TSEN2: variants seen among roughly 807,000 people sequenced by gnomAD.
TSEN2 encodes the protein tRNA splicing endonuclease subunit 2.
In TSEN2, 54 loss-of-function variants were observed where a neutral mutation model predicts 59.2. The observed-to-expected ratio is 0.91, with a 90% confidence interval of 0.73 to 1.14. TSEN2 has a LOEUF of 1.14. Among genes scored for constraint, TSEN2 ranks in the 50% most tolerant of loss-of-function variants. The probability of loss-of-function intolerance (pLI) is 0.00; values close to 1 mark genes in which losing one functional copy is unlikely to be tolerated. For missense variants in TSEN2, 636 were observed against 576.2 expected (o/e 1.10, Z -1.06); for synonymous variants, 195 against 198.2 (o/e 0.98, Z 0.14).
intron 6 of TSEN2, chr3:12,514,608 A>G (rs1285161772): frequency 6.6e-6 from 1 of 152,206 alleles, no homozygotes; most frequent in East Asian, 1.9e-4. Context: ...TTTGGGTAAA[A>G]CTAAAGTAGT....
intron 6 of TSEN2, chr3:12,506,848 A>G: frequency 1.0e-6 from 1 of 985,362 alleles, no homozygotes. Context: ...AGGTCCCAAG[A>G]AGTGCTATGG....
At chr3:12,488,829 G>A (rs2052912835) in intron 1 of TSEN2, among the ~76,000 whole-genome samples, 2 of 152,330 alleles carry the variant, frequency 1.3e-5, no homozygotes, top group Admixed American at 1.3e-4. Flanking sequence ...GCAGAATCTA[G>A]AGAGAGGGCA....
intron 6 of TSEN2, chr3:12,515,050 CGTT>C (rs1327771288): frequency 6.6e-6 from 1 of 152,118 alleles, no homozygotes; most frequent in Non-Finnish European, 1.5e-5. Flanking sequence ...GATAACACCA[CGTT>C]ATTATTATGA....
Position 12,521,260 on chromosome 3 carries a change from A to C in TSEN2, c.1099+2063A>C, listed in dbSNP as rs192452064. Among the ~76,000 whole-genome samples, 244 of 152,368 alleles carry C rather than the reference A, an allele frequency of 1.6e-3. 3 individuals are homozygous for C. Among genetic ancestry groups the C allele is most frequent in the Non-Finnish European group, 1.5e-3 (101 of 68,036 alleles). On this transcript the variant is annotated intron_variant, in intron 8 of 11. Transcript: ENST00000284995. ...GTACTGTTTGAGGCATCAAGAATAC[A>C]GAAGTGAACAGGACAAACAGAGCTG... is the stretch of plus-strand genomic sequence containing the variant.
At chr3:12,538,867 T>C (rs887230317) in intron 10 of TSEN2, 5 of 234,858 alleles carry the variant, frequency 2.1e-5, no homozygotes, top group African/African-American at 7.1e-5. Flanking sequence ...CCTCTCTTCA[T>C]GTGCTTTCTG....
At chr3:12,508,187 TC>T (rs2055044780) in intron 6 of TSEN2, among the ~76,000 whole-genome samples, 1 of 152,184 alleles carries the variant, frequency 6.6e-6, no homozygotes. Context: ...GCTGCACTGT[TC>T]CAGTTGACCA....
chr3:12,506,959 C>T lies in TSEN2; in HGVS notation c.909+1728C>T, dbSNP rs1464513185. The T allele has an allele frequency of 6.0e-6, 4 of 663,476 alleles. No homozygotes were observed. In the East Asian group the frequency reaches 5.5e-4, roughly 91 times the overall value. The allele number at this position is 663,476 out of a possible 1,614,324, so 41.1% of individuals were successfully genotyped here. ...CCTGTAATCCCAGCACTTTGGGAGG[C>T]CGAGGCGGGTGGATCACGAGGTCAG... On this transcript the variant is annotated intron_variant, in intron 6 of 11. Coordinates refer to ENST00000284995, the MANE Select transcript of TSEN2 (RefSeq NM_025265.4).
chr3:12,522,822 C>T (rs998403228), intron 8 of TSEN2, among the ~76,000 whole-genome samples: 6 of 152,166 alleles, frequency 3.9e-5, no homozygotes, highest in African/African-American at 1.4e-4. Context: ...CAGCTGCCAA[C>T]CTAGTTGACC....
intron 8 of TSEN2, among the ~76,000 whole-genome samples, chr3:12,522,245 CAGATGGAT>C (rs1187072407): frequency 6.6e-6 from 1 of 152,066 alleles, no homozygotes; most frequent in African/African-American, 2.4e-5. Context: ...GATGGTTGGA[CAGATGGAT>C]AGATGGATGG....
At chr3:12,531,405 A>C (rs2125256611) in intron 10 of TSEN2, 165 bp from the exon 11 acceptor site, 1 of 611,908 alleles carries the variant, frequency 1.6e-6, no homozygotes, top group East Asian at 2.8e-5. Flanking sequence ...GTCAGAACGT[A>C]AATCCCAGTT....
chr3:12,524,264 A>C (rs2056900829), intron 8 of TSEN2, among the ~76,000 whole-genome samples: 1 of 152,136 alleles, frequency 6.6e-6, no homozygotes, highest in African/African-American at 2.4e-5. Context: ...ATCACATTTG[A>C]TTATTATATC....
At chr3:12,517,307 G>C (rs934779701) in intron 7 of TSEN2, among the ~76,000 whole-genome samples, 2 of 138,102 alleles carry the variant, frequency 1.4e-5, no homozygotes, top group Non-Finnish European at 3.0e-5. Flanking sequence ...GCAATGAGCC[G>C]AGATAGCGCC....
chr3:12,508,391 C>T (rs2055063838), intron 6 of TSEN2, among the ~76,000 whole-genome samples: 1 of 152,182 alleles, frequency 6.6e-6, no homozygotes, highest in Non-Finnish European at 1.5e-5. Flanking sequence ...ACCGTTAAAC[C>T]TAGCTCTACT....
chr3:12,491,450 AGAATC>A (rs1406895234), intron 2 of TSEN2, among the ~76,000 whole-genome samples: 1 of 152,258 alleles, frequency 6.6e-6, no homozygotes, highest in African/African-American at 2.4e-5. Flanking sequence ...GGAGTACAAA[AGAATC>A]CAAGAGGTTT....
chr3:12,516,758 A>C, intron 7 of TSEN2, 97 bp downstream of exon 7: 1 of 1,201,132 alleles, frequency 8.3e-7, no homozygotes, highest in East Asian at 2.4e-5. Context: ...AAATGTTTCT[A>C]CTCTTACTGA....
At chr3:12,534,309 T>A (rs2125271757), downstream of TSEN2, among the ~76,000 whole-genome samples, 1 of 152,314 alleles carries the variant, frequency 6.6e-6, no homozygotes, top group East Asian at 1.9e-4. Flanking sequence ...GTAAGAACCT[T>A]GGTGCAGTGT....
intron 4 of TSEN2, among the ~76,000 whole-genome samples, chr3:12,498,629 G>A (rs773725222): frequency 6.6e-6 from 1 of 152,116 alleles, no homozygotes; most frequent in Non-Finnish European, 1.5e-5. Context: ...TGACATAAAC[G>A]ACACATAGTG....
intron 6 of TSEN2, among the ~76,000 whole-genome samples, chr3:12,506,022 C>T (rs752511105): frequency 6.6e-6 from 1 of 151,818 alleles, no homozygotes; most frequent in Non-Finnish European, 1.5e-5. Flanking sequence ...CTGGTGATGC[C>T]GGGGGTAGGG....
At chr3:12,517,623 CA>C (rs1432531316) in intron 7 of TSEN2, among the ~76,000 whole-genome samples, 2 of 152,142 alleles carry the variant, frequency 1.3e-5, no homozygotes, top group Non-Finnish European at 2.9e-5. Flanking sequence ...CTCTTGGGAG[CA>C]CATAATTTAA....
Sources: allele counts gnomAD v4.1 joint callset (sites outside exome capture counted in the v4.1 genomes callset), GRCh38; gene constraint gnomAD v4.1.1; transcripts MANE v1.5; gene names NCBI Gene and HGNC (gene_info 2026-07-23, HGNC 2026-07-21).